TULP4: variants seen among roughly 807,000 people sequenced by gnomAD.
The protein encoded by TULP4 is TUB like protein 4.
A neutral mutation model predicts 129.0 loss-of-function variants in TULP4; 16 were observed. That is an observed-to-expected ratio of 0.12 (90% CI 0.08 to 0.19). The LOEUF (loss-of-function observed/expected upper bound fraction) is 0.19. Among genes scored for constraint, TULP4 ranks in the 10% least tolerant of loss-of-function variants. TULP4 has a pLI of 1.00. For synonymous variants in TULP4, 998 were observed against 854.0 expected, an observed-to-expected ratio of 1.17 and a Z score of -2.94; for missense variants, 1,842 against 2,059.1, an observed-to-expected ratio of 0.89 and a Z score of 2.04.
chr6:158,289,564 AGTT>A (rs929730088), intron 1 of TULP4, among the ~76,000 whole-genome samples: 2 of 152,036 alleles, frequency 1.3e-5, no homozygotes, highest in African/African-American at 4.8e-5. Flanking sequence ...TTATAACATA[AGTT>A]GTTGTTGTTG....
intron 12 of TULP4, 32 bp from the exon 13 acceptor site, chr6:158,501,646 G>A: frequency 6.3e-7 from 1 of 1,588,030 alleles, no homozygotes; most frequent in Non-Finnish European, 8.6e-7. Flanking sequence ...CAGTGTTTTT[G>A]TAAGCAGTTC....
intron 1 of TULP4, among the ~76,000 whole-genome samples, chr6:158,247,796 A>G (rs1185986052): frequency 6.6e-5 from 10 of 152,246 alleles, no homozygotes; most frequent in Admixed American, 6.5e-4. Context: ...TGGTAGTGTC[A>G]GAGATCCTCA....
intron 1 of TULP4, among the ~76,000 whole-genome samples, chr6:158,256,911 G>C (rs1778255596): frequency 6.6e-6 from 1 of 152,172 alleles, no homozygotes; most frequent in African/African-American, 2.4e-5. Flanking sequence ...GGTGTTTCAG[G>C]TGGCAGCAGG....
chr6:158,444,219 C>CAAAAAAAAAA (rs71030171), intron 3 of TULP4, among the ~76,000 whole-genome samples: 1 of 34,130 alleles, frequency 2.9e-5, no homozygotes, highest in Non-Finnish European at 5.0e-5. Context: ...GACTCTGTCT[C>CAAAAAAAAAA]AAAAAAAAAA....
At chr6:158,240,909 A>G in intron 1 of TULP4, among the ~76,000 whole-genome samples, 1 of 149,028 alleles carries the variant, frequency 6.7e-6, no homozygotes, top group South Asian at 2.1e-4. Flanking sequence ...CACTTCCCAG[A>G]TCGGGTGGCT....
chr6:158,276,510 G>A (rs1005402960), intron 1 of TULP4, among the ~76,000 whole-genome samples: 2 of 151,212 alleles, frequency 1.3e-5, no homozygotes, highest in African/African-American at 4.9e-5. Context: ...TCTCACACTG[G>A]TCACAAACTC....
chr6:158,469,529 C>T lies in TULP4; in HGVS notation c.1026+7800C>T, dbSNP rs564338780. Among the ~76,000 whole-genome samples, 73 of 152,084 alleles carry T rather than the reference C, an allele frequency of 4.8e-4. 1 individual carries two copies. Among genetic ancestry groups the T allele is most frequent in the Non-Finnish European group, 1.0e-3 (69 of 67,992 alleles). Reference sequence around the variant, plus strand: ...ACCTCAAGTGATCTGTCTGCCTCGGCCTTCCAAAGTGCTGGGATTACAGGT... The same window carrying T: ...ACCTCAAGTGATCTGTCTGCCTCGGTCTTCCAAAGTGCTGGGATTACAGGT... On this transcript the variant is annotated intron_variant, in intron 6 of 13. Coordinates refer to ENST00000367097, the MANE Select transcript of TULP4 (RefSeq NM_020245.5).
intron 3 of TULP4, among the ~76,000 whole-genome samples, chr6:158,445,352 T>G (rs1472205146): frequency 6.6e-6 from 1 of 152,070 alleles, no homozygotes; most frequent in Non-Finnish European, 1.5e-5. Flanking sequence ...TCCTTGAAAG[T>G]GTTTTTGGGG....
At chr6:158,288,401 T>C (rs933292352) in intron 1 of TULP4, among the ~76,000 whole-genome samples, 3 of 152,200 alleles carry the variant, frequency 2.0e-5, no homozygotes, top group Non-Finnish European at 4.4e-5. Context: ...ATCTTTATCT[T>C]AATTCTTAAA....
At position 158,502,464 on chromosome 6, in the gene TULP4, T is replaced by C; in HGVS notation, c.2801T>C (p.Val934Ala). The C allele has an allele frequency of 6.2e-7, 1 of 1,611,382 alleles. No homozygotes were observed. The change falls in exon 13 of 14, where the codon GTC becomes GCC. Residue 934 changes from valine to alanine, a missense_variant. Val to Ala is a moderately conservative substitution (Grantham distance 64). Coordinates refer to ENST00000367097, the MANE Select transcript of TULP4 (RefSeq NM_020245.5). ...TLRLTATEKK[V>A]PQPCSSATLN... is the part of the protein sequence containing the mutation. ...AGGCTCACGGCCACTGAGAAGAAGG[T>C]CCCTCAGCCCTGCAGCAGTGCCACC... is the stretch of plus-strand genomic sequence containing the variant.
chr6:158,494,945 G>A (rs918425531), intron 11 of TULP4, 99 bp downstream of exon 11: 1 of 896,362 alleles, frequency 1.1e-6, no homozygotes, highest in Admixed American at 2.6e-5. Flanking sequence ...GAACTTTTAA[G>A]ACAGCAAAAG....
At chr6:158,378,748 G>A (rs1433986583) in intron 1 of TULP4, among the ~76,000 whole-genome samples, 1 of 151,786 alleles carries the variant, frequency 6.6e-6, no homozygotes, top group East Asian at 1.9e-4. Context: ...GCCTCCCAAA[G>A]TGCTGGGATT....
At chr6:158,335,043 T>G (rs1780000637) in intron 1 of TULP4, among the ~76,000 whole-genome samples, 1 of 152,078 alleles carries the variant, frequency 6.6e-6, no homozygotes, top group Non-Finnish European at 1.5e-5. Flanking sequence ...TTTGGGAGGT[T>G]GAGGCGGGCG....
intron 1 of TULP4, among the ~76,000 whole-genome samples, chr6:158,388,322 CTTT>C (rs10650311): frequency 4.6e-5 from 4 of 86,260 alleles, no homozygotes; most frequent in African/African-American, 1.5e-4. Context: ...GCTCGTTTTT[CTTT>C]TTTTTTTTTT....
chr6:158,241,089 C>T (rs1440106187), intron 1 of TULP4, among the ~76,000 whole-genome samples: 2 of 138,626 alleles, frequency 1.4e-5, no homozygotes, highest in Admixed American at 7.4e-5. Context: ...CGGGCAGAGG[C>T]GCTCCTCACG....
At chr6:158,473,769 T>C (rs611127) in intron 6 of TULP4, among the ~76,000 whole-genome samples, 63,532 of 151,974 alleles carry the variant, frequency 0.42, 14,582 homozygotes, top group African/African-American at 0.62. Context: ...ATTCTCCTGC[T>C]TCAGCCTCCC....
intron 3 of TULP4, among the ~76,000 whole-genome samples, chr6:158,441,310 T>C (rs1766846947): frequency 6.6e-6 from 1 of 152,144 alleles, no homozygotes; most frequent in Non-Finnish European, 1.5e-5. Flanking sequence ...TGAAACTCTA[T>C]CTAAAAAAAA....
intron 6 of TULP4, among the ~76,000 whole-genome samples, chr6:158,469,545 G>A (rs187297729): frequency 6.6e-6 from 1 of 152,136 alleles, no homozygotes; most frequent in African/African-American, 2.4e-5. Flanking sequence ...AAAGTGCTGG[G>A]ATTACAGGTC....
chr6:158,451,254 G>A (rs775521874), intron 4 of TULP4, among the ~76,000 whole-genome samples: 1 of 152,196 alleles, frequency 6.6e-6, no homozygotes, highest in African/African-American at 2.4e-5. Context: ...CACCTTTCAC[G>A]TGCAACAGGG....
Sources: gnomAD v4.1 joint callset for allele counts (sites outside exome capture counted in the v4.1 genomes callset) on GRCh38, gnomAD v4.1.1 for gene constraint, MANE v1.5 for transcripts, NCBI Gene and HGNC (gene_info 2026-07-23, HGNC 2026-07-21) for gene names.